GBE1: variants seen among roughly 807,000 people sequenced by gnomAD.
GBE1 encodes the protein 1,4-alpha-glucan-branching enzyme.
Under a neutral mutation model 88.8 loss-of-function variants are expected in GBE1, and 70 were observed. The observed-to-expected ratio is 0.79, with a 90% CI of 0.65 to 0.96. The LOEUF (loss-of-function observed/expected upper bound fraction) is 0.96, where lower values mean the gene tolerates loss of function less well. Ranked by LOEUF, GBE1 falls within the 40% of genes least tolerant of loss-of-function variation. The pLI is 0.00. For synonymous variants in GBE1, 284 were observed against 300.1 expected (o/e 0.95, Z 0.56); for missense variants, 872 against 871.0 (o/e 1.00, Z -0.01).
intron 12 of GBE1, among the ~76,000 whole-genome samples, chr3:81,554,830 C>T (rs1463519659): frequency 6.6e-6 from 1 of 152,148 alleles, no homozygotes; most frequent in Non-Finnish European, 1.5e-5. Context: ...CCATCTCCCA[C>T]AGCCTTTCTT....
At chr3:81,675,399 AAC>A (rs2107121352) in intron 2 of GBE1, among the ~76,000 whole-genome samples, 1 of 152,176 alleles carries the variant, frequency 6.6e-6, no homozygotes, top group African/African-American at 2.4e-5. Context: ...AATCAGATTA[AAC>A]ACACAATCTC....
At chr3:81,672,398 T>C (rs1315798289) in intron 2 of GBE1, among the ~76,000 whole-genome samples, 1 of 152,130 alleles carries the variant, frequency 6.6e-6, no homozygotes, top group East Asian at 1.9e-4. Context: ...TAAAACCTTG[T>C]AGTATAATTA....
At chr3:81,595,551 C>T (rs1200934791) in intron 7 of GBE1, among the ~76,000 whole-genome samples, 1 of 151,664 alleles carries the variant, frequency 6.6e-6, no homozygotes, top group Non-Finnish European at 1.5e-5. Context: ...ACAAATAATC[C>T]TTTGAAATTA....
chr3:81,591,216 A>G, intron 8 of GBE1, 52 bp from the exon 9 acceptor site: 1 of 1,379,640 alleles, frequency 7.2e-7, no homozygotes, highest in Admixed American at 2.3e-5. Flanking sequence ...GCAAGTCTTA[A>G]CTCTGCACAA....
intron 7 of GBE1, among the ~76,000 whole-genome samples, chr3:81,629,652 G>A (rs896378288): frequency 1.3e-5 from 2 of 152,100 alleles, no homozygotes; most frequent in African/African-American, 4.8e-5. Context: ...TGGGGCTACT[G>A]AGCCCTGGAA....
At chr3:81,569,790 T>C (rs1025922202) in intron 12 of GBE1, among the ~76,000 whole-genome samples, 2 of 152,180 alleles carry the variant, frequency 1.3e-5, no homozygotes, top group South Asian at 2.1e-4. Context: ...AAGAAAATAA[T>C]TGCCACTTTT....
At chr3:81,546,783 G>A (rs1463829978) in intron 12 of GBE1, among the ~76,000 whole-genome samples, 1 of 151,398 alleles carries the variant, frequency 6.6e-6, no homozygotes. Flanking sequence ...CCTTGGGGCT[G>A]CTCTGTCTAT....
intron 2 of GBE1, among the ~76,000 whole-genome samples, chr3:81,679,611 T>C (rs1213212654): frequency 6.6e-6 from 1 of 152,234 alleles, no homozygotes; most frequent in Non-Finnish European, 1.5e-5. Context: ...TCTTTCATTA[T>C]TGTTCTAGCT....
intron 1 of GBE1, among the ~76,000 whole-genome samples, chr3:81,724,864 T>C (rs779686038): frequency 6.6e-6 from 1 of 152,192 alleles, no homozygotes; most frequent in Non-Finnish European, 1.5e-5. Context: ...AACAACTGCA[T>C]TTAAACTTAC....
chr3:81,627,746 CATAT>C (rs59598450), intron 7 of GBE1, among the ~76,000 whole-genome samples: 40,439 of 127,048 alleles, frequency 0.32, 6,705 homozygotes, highest in African/African-American at 0.51. Context: ...ATATATTTTA[CATAT>C]ATATATATAT....
At chr3:81,506,640 T>A (rs1363692940) in intron 14 of GBE1, among the ~76,000 whole-genome samples, 1 of 152,124 alleles carries the variant, frequency 6.6e-6, no homozygotes, top group South Asian at 2.1e-4. Flanking sequence ...GCAGCACTAT[T>A]CACAATGGAA....
rs896909612 is a variant in GBE1 at position 81,527,187 on chromosome 3, A to T, written c.1934+8008T>A. Among the ~76,000 whole-genome samples the T allele has an allele frequency of 5.3e-4, 81 of 152,162 alleles. 1 individual carries two copies. The highest frequency in any genetic ancestry group is 1.0e-4 in the Non-Finnish European group (7 of 68,032). On this transcript the variant is annotated intron_variant, in intron 14 of 15. Transcript: ENST00000429644. The stretch of plus-strand genomic sequence containing the variant: ...GCCATATGCAGAAAGGTGAAACTAG[A>T]TCCCTTCCTTACGCCTTATATTAAA...
intron 2 of GBE1, among the ~76,000 whole-genome samples, chr3:81,681,945 A>C (rs1457970847): frequency 6.6e-6 from 1 of 152,228 alleles, no homozygotes; most frequent in African/African-American, 2.4e-5. Context: ...TTCAAAATTA[A>C]AATTTTTGCA....
chr3:81,639,065 T>C (rs1704632644), intron 7 of GBE1, among the ~76,000 whole-genome samples: 1 of 152,176 alleles, frequency 6.6e-6, no homozygotes, highest in Non-Finnish European at 1.5e-5. Flanking sequence ...AAAATTTGTA[T>C]TTAAAATATG....
chr3:81,642,680 G>T, intron 7 of GBE1, 101 bp downstream of exon 7: 1 of 747,596 alleles, frequency 1.3e-6, no homozygotes, highest in Non-Finnish European at 2.3e-6. Context: ...AGAACATTAA[G>T]TACCAGTGAG....
intron 14 of GBE1, among the ~76,000 whole-genome samples, chr3:81,523,333 G>T (rs974039429): frequency 6.6e-6 from 1 of 151,048 alleles, no homozygotes; most frequent in African/African-American, 2.4e-5. Context: ...ATGATAAAAT[G>T]ATTTTTTAAT....
intron 7 of GBE1, among the ~76,000 whole-genome samples, chr3:81,606,154 T>C (rs1277257388): frequency 6.6e-6 from 1 of 152,172 alleles, no homozygotes; most frequent in Non-Finnish European, 1.5e-5. Context: ...ACAATGCTAG[T>C]GATGCACACT....
At chr3:81,645,417 C>G (rs1378320100) in intron 6 of GBE1, among the ~76,000 whole-genome samples, 2 of 152,140 alleles carry the variant, frequency 1.3e-5, no homozygotes, top group African/African-American at 4.8e-5. Context: ...GGGGTGCTGA[C>G]AGCTTAAGTA....
At chr3:81,674,517 A>C (rs2107120121) in intron 2 of GBE1, among the ~76,000 whole-genome samples, 1 of 152,028 alleles carries the variant, frequency 6.6e-6, no homozygotes, top group South Asian at 2.1e-4. Context: ...TTCAACCTCA[A>C]ATTATTGGTA....
Sources: gnomAD v4.1 joint callset for allele counts (sites outside exome capture counted in the v4.1 genomes callset) on GRCh38, gnomAD v4.1.1 for gene constraint, MANE v1.5 for transcripts, NCBI Gene and HGNC (gene_info 2026-07-23, HGNC 2026-07-21) for gene names.